The following FAM13C variants were observed in gnomAD, a reference collection of about 807,000 sequenced individuals.
The protein encoded by FAM13C is protein FAM13C.
FAM13C carries 37 observed loss-of-function variants against 73.2 expected under a neutral mutation model. The observed-to-expected ratio is 0.51, with a 90% CI of 0.39 to 0.67. FAM13C has a LOEUF of 0.67. FAM13C is among the 30% of genes least tolerant of loss of function. The pLI is 0.00. For missense variants in FAM13C, 589 were observed against 715.6 expected (o/e 0.82, Z 2.02); for synonymous variants, 246 against 260.9 (o/e 0.94, Z 0.55).
At position 59,304,815 on chromosome 10, in the gene FAM13C, A is replaced by AAGGGAAGGGAAGGGAAGGG. The variant is rs1564554034; in HGVS notation, c.444-1952_444-1951insCCCTTCCCTTCCCTTCCCT. Among the ~76,000 whole-genome samples the AAGGGAAGGGAAGGGAAGGG allele has an allele frequency of 7.0e-3, 74 of 10,564 alleles. 3 individuals carry two copies. Among genetic ancestry groups the AAGGGAAGGGAAGGGAAGGG allele is most frequent in the African/African-American group, 0.017 (62 of 3,682 alleles). 6.9% of individuals were successfully genotyped at this position (10,564 alleles called of 152,430 possible). On this transcript the variant is annotated intron_variant, in intron 4 of 13. Coordinates refer to ENST00000618804, the MANE Select transcript of FAM13C (RefSeq NM_198215.4). The stretch of plus-strand genomic sequence containing the variant: ...GAAGGGAAGGGAAGGGAAGGGAAGG[A>AAGGGAAGGGAAGGGAAGGG]AAGGGGAAGGGGAGGGGGCGGGGGA...
chr10:59,314,395 T>A (rs1332322659), intron 4 of FAM13C, among the ~76,000 whole-genome samples: 1 of 152,142 alleles, frequency 6.6e-6, no homozygotes, highest in African/African-American at 2.4e-5. Context: ...CCATCACACA[T>A]CTGAAGAAAT....
intron 5 of FAM13C, among the ~76,000 whole-genome samples, chr10:59,284,067 C>A (rs914093864): frequency 3.4e-5 from 5 of 148,126 alleles, no homozygotes; most frequent in Admixed American, 6.7e-5. Flanking sequence ...TCTAAAGTTA[C>A]TTCTCTTACA....
At chr10:59,268,198 G>C (rs1194019857) in intron 8 of FAM13C, among the ~76,000 whole-genome samples, 1 of 137,344 alleles carries the variant, frequency 7.3e-6, no homozygotes, top group African/African-American at 2.8e-5. Flanking sequence ...ATGCAATTGA[G>C]AAAAAGTGAA....
In FAM13C at chr10:59,246,474, A is replaced by ACTT; in HGVS notation, c.*1137_*1139dup. The ACTT allele has an allele frequency of 2.6e-6, 1 of 385,196 alleles. No individual in the cohort carries two copies. 23.9% of individuals were successfully genotyped at this position (385,196 alleles called of 1,614,324 possible). A position where few individuals can be genotyped will look rare whatever the true frequency, so the allele number is the denominator to read the frequency against. On this transcript the variant is annotated 3_prime_UTR_variant, in exon 14 of 14. Transcript: ENST00000618804. ...AGAATGTGAATTTCTTCAACATCAT[A>ACTT]CTTAAACATTACAGAAAATAGAAAT...
intron 4 of FAM13C, among the ~76,000 whole-genome samples, chr10:59,310,114 A>C (rs890156021): frequency 2.6e-5 from 4 of 152,226 alleles, no homozygotes; most frequent in Non-Finnish European, 5.9e-5. Context: ...CACACTTTTC[A>C]GAATACTTCA....
Position 59,246,928 on chromosome 10 carries a change from G to A in FAM13C, c.*686C>T, listed in dbSNP as rs2133323978. 3.7e-6 allele frequency: 1 copy of A among 273,852 alleles called. No individual in the cohort carries two copies. Among genetic ancestry groups the A allele is most frequent in the African/African-American group, 2.2e-5 (1 of 45,746 alleles). The allele number at this position is 273,852 out of a possible 1,614,324, so 17.0% of individuals were successfully genotyped here. ...TTTATTTTAATATAAACATCTGTCA[G>A]TTATAGACAAAGATAATAATTCACA... On this transcript the variant is annotated 3_prime_UTR_variant, in exon 14 of 14. Coordinates refer to ENST00000618804, the MANE Select transcript of FAM13C (RefSeq NM_198215.4).
At chr10:59,304,840 AGGGGGAGG>A (rs1848063812) in intron 4 of FAM13C, among the ~76,000 whole-genome samples, 1 of 6,086 alleles carries the variant, frequency 1.6e-4, no homozygotes, top group African/African-American at 6.5e-4. Flanking sequence ...GGGGCGGGGG[AGGGGGAGG>A]GGGAGGGGAA....
chr10:59,291,785 CTTTT>C (rs3078288), intron 5 of FAM13C, among the ~76,000 whole-genome samples: 16 of 72,744 alleles, frequency 2.2e-4, no homozygotes, highest in South Asian at 5.3e-4. Flanking sequence ...TATAAACTCC[CTTTT>C]TTTTTTTTTT....
chr10:59,260,379 T>A (rs1392383960), intron 10 of FAM13C, among the ~76,000 whole-genome samples: 6 of 152,184 alleles, frequency 3.9e-5, no homozygotes, highest in African/African-American at 1.4e-4. Context: ...TCTTTCTGAC[T>A]TGATCTCATG....
chr10:59,264,695 G>T (rs114639175), intron 8 of FAM13C, among the ~76,000 whole-genome samples: 2 of 152,124 alleles, frequency 1.3e-5, no homozygotes, highest in Non-Finnish European at 2.9e-5. Context: ...GCTAAAGAAA[G>T]GAGACTCCGG....
chr10:59,320,032 A>C (rs1323103574), intron 4 of FAM13C, among the ~76,000 whole-genome samples: 1 of 152,164 alleles, frequency 6.6e-6, no homozygotes, highest in East Asian at 1.9e-4. Flanking sequence ...GCCAGGAAGA[A>C]AAGGATTGAA....
rs546246932 is a variant in FAM13C, at chr10:59,329,929, G to A, written c.325-5823C>T. The stretch of plus-strand genomic sequence containing the variant: ...GAAGAAAAGGCAGATGACTTACTGA[G>A]GCCAGAAAGATTGCCTTTTATACAT... On this transcript the variant is annotated intron_variant, in intron 3 of 13. Coordinates refer to ENST00000618804, the MANE Select transcript of FAM13C (RefSeq NM_198215.4). Among the ~76,000 whole-genome samples the A allele has an allele frequency of 1.1e-4, 16 of 152,222 alleles. 1 individual carries two copies. In the South Asian group the frequency reaches 1.7e-3, roughly 16 times the overall value.
chr10:59,330,158 G>T (rs190573057), intron 3 of FAM13C, among the ~76,000 whole-genome samples: 19 of 152,082 alleles, frequency 1.2e-4, no homozygotes, highest in Admixed American at 1.2e-3. Flanking sequence ...GCATTAATTC[G>T]AGTTGTTTGC....
In FAM13C at chr10:59,268,553, C is replaced by T; in HGVS notation, c.942G>A (p.Arg314=). 1 of 1,613,640 alleles carries T rather than the reference C, an allele frequency of 6.2e-7. No individual in the cohort carries two copies. Among genetic ancestry groups the T allele is most frequent in the Non-Finnish European group, 8.5e-7 (1 of 1,179,718 alleles). ...CTATGTCAAACCCCAGGGTTCTTACCCGGTATTTCTTTTCTTGTTCAAATT... is the reference window on the plus strand; with the variant it reads ...CTATGTCAAACCCCAGGGTTCTTACTCGGTATTTCTTTTCTTGTTCAAATT... The part of the protein sequence containing the change: ...EEKFEQEKKY[R]PSHGDKTSNP... The change falls in exon 8 of 14, where the codon CGG becomes CGA. Residue 314 remains arginine (R), a splice_region_variant and synonymous_variant. Coordinates refer to ENST00000618804, the MANE Select transcript of FAM13C (RefSeq NM_198215.4).
chr10:59,249,439 T>C, intron 13 of FAM13C, among the ~76,000 whole-genome samples: 1 of 151,090 alleles, frequency 6.6e-6, no homozygotes, highest in East Asian at 1.9e-4. Context: ...AAGAGTGCTT[T>C]GACAAGAATG....
intron 6 of FAM13C, among the ~76,000 whole-genome samples, chr10:59,274,068 T>C (rs913818349): frequency 1.3e-5 from 2 of 152,056 alleles, no homozygotes; most frequent in Non-Finnish European, 2.9e-5. Flanking sequence ...TTTCAAATGA[T>C]AAATAAGCCA....
At chr10:59,342,606 A>C (rs1853658523) in intron 3 of FAM13C, among the ~76,000 whole-genome samples, 1 of 152,222 alleles carries the variant, frequency 6.6e-6, no homozygotes, top group Non-Finnish European at 1.5e-5. Flanking sequence ...ACTTAATCTA[A>C]AACTATTCTT....
At chr10:59,357,619 T>C (rs1200538689) in intron 1 of FAM13C, among the ~76,000 whole-genome samples, 1 of 152,222 alleles carries the variant, frequency 6.6e-6, no homozygotes, top group African/African-American at 2.4e-5. Flanking sequence ...TTGTTTTTTA[T>C]TTTCACACCA....
chr10:59,281,662 C>T (rs1411655953), intron 6 of FAM13C, among the ~76,000 whole-genome samples: 2 of 152,146 alleles, frequency 1.3e-5, no homozygotes, highest in Non-Finnish European at 2.9e-5. Flanking sequence ...CCTACATAAA[C>T]CCTGTATTTA....
Sources: gnomAD v4.1 joint callset for allele counts (sites outside exome capture counted in the v4.1 genomes callset) on GRCh38, gnomAD v4.1.1 for gene constraint, MANE v1.5 for transcripts, NCBI Gene and HGNC (gene_info 2026-07-23, HGNC 2026-07-21) for gene names.